The following CDC42BPA variants were observed in gnomAD, a reference collection of about 807,000 sequenced individuals.
CDC42BPA encodes CDC42 binding protein kinase alpha.
A neutral mutation model predicts 223.5 loss-of-function variants in CDC42BPA; 80 were observed. That is an observed-to-expected ratio of 0.36 (90% CI 0.30 to 0.43). The LOEUF is 0.43. Ranked by LOEUF, CDC42BPA falls within the 20% of genes least tolerant of loss-of-function variation. The pLI is 1.00. For missense variants in CDC42BPA, 1,743 were observed against 2,099.9 expected (o/e 0.83, Z 3.32); for synonymous variants, 694 against 718.6 (o/e 0.97, Z 0.55).
intron 1 of CDC42BPA, among the ~76,000 whole-genome samples, chr1:227,262,058 A>C (rs1363246593): frequency 6.6e-6 from 1 of 151,950 alleles, no homozygotes; most frequent in South Asian, 2.1e-4. Flanking sequence ...AAAAAAAATT[A>C]AACTAAATGA....
At chr1:227,070,038 A>G (rs1677948075) in intron 20 of CDC42BPA, among the ~76,000 whole-genome samples, 185 bp from the exon 21 acceptor site, 1 of 151,926 alleles carries the variant, frequency 6.6e-6, no homozygotes, top group South Asian at 2.1e-4. Flanking sequence ...ATATCACTTA[A>G]TAGTTCAATT....
At chr1:227,189,186 G>C (rs905784193) in intron 5 of CDC42BPA, among the ~76,000 whole-genome samples, 1 of 151,844 alleles carries the variant, frequency 6.6e-6, no homozygotes, top group African/African-American at 2.4e-5. Context: ...ACTTTCCTTA[G>C]GAAATGCAAG....
chr1:227,027,858 T>C (rs1306831091), intron 30 of CDC42BPA, among the ~76,000 whole-genome samples: 1 of 152,232 alleles, frequency 6.6e-6, no homozygotes, highest in African/African-American at 2.4e-5. Context: ...GAGTCAAGCC[T>C]ATAATCTCAG....
chr1:227,199,846 T>C (rs565008654), intron 3 of CDC42BPA, among the ~76,000 whole-genome samples, 194 bp from the exon 4 acceptor site: 3 of 152,112 alleles, frequency 2.0e-5, no homozygotes, highest in Admixed American at 6.5e-5. Context: ...TAAAAATATA[T>C]TTTATATTAA....
chr1:227,317,387 A>G lies in CDC42BPA; in HGVS notation c.-205T>C, dbSNP rs12128753. 4.3e-6 allele frequency: 2 copies of G among 465,808 alleles called. No individual in the cohort carries two copies. Among genetic ancestry groups the G allele is most frequent in the South Asian group, 6.1e-5 (1 of 16,344 alleles). 28.9% of individuals were successfully genotyped at this position (465,808 alleles called of 1,614,324 possible). On this transcript the variant is annotated 5_prime_UTR_variant, in exon 1 of 37. Coordinates refer to ENST00000366766, the MANE Select transcript of CDC42BPA (RefSeq NM_001394014.1). Reference sequence around the variant, plus strand: ...CGTCTTCAATTTCACCCATATACATATATTTTGAGGGTAAATTACCATAAA... The same window carrying G: ...CGTCTTCAATTTCACCCATATACATGTATTTTGAGGGTAAATTACCATAAA...
chr1:227,269,710 CAAAACAAAAG>C (rs1685651534), intron 1 of CDC42BPA, among the ~76,000 whole-genome samples: 1 of 151,880 alleles, frequency 6.6e-6, no homozygotes, highest in African/African-American at 2.4e-5. Flanking sequence ...ACTGGCAATT[CAAAACAAAAG>C]AAAACCATAT....
chr1:227,005,050 G>A lies in CDC42BPA; in HGVS notation c.4919C>T (p.Thr1640Ile). ...FSGSVSIPSI[T>I]KSRPEPGRSM... ...GCGGCCTGGCTCAGGGCGGGATTTG[G>A]TGATAGATGGAATACTGACTGAGCC... Residue 1640 changes from threonine to isoleucine, a missense_variant, in exon 35 of 37, where the codon ACC (threonine) becomes ATC (isoleucine). Physicochemically the swap from Thr to Ile is moderately conservative, Grantham distance 89 (BLOSUM62 -1). Transcript: ENST00000366766. 3 of 1,614,200 alleles carry A rather than the reference G, an allele frequency of 1.9e-6. No homozygotes were observed. Among genetic ancestry groups the A allele is most frequent in the Non-Finnish European group, 2.5e-6 (3 of 1,180,020 alleles).
intron 10 of CDC42BPA, among the ~76,000 whole-genome samples, chr1:227,131,988 G>C (rs902654254): frequency 6.6e-6 from 1 of 152,134 alleles, no homozygotes; most frequent in Admixed American, 6.5e-5. Context: ...CAGCACATGA[G>C]GAGACTGCTA....
chr1:227,220,154 C>T (rs75565651), intron 2 of CDC42BPA, among the ~76,000 whole-genome samples: 5,660 of 151,874 alleles, frequency 0.037, 118 homozygotes, highest in Non-Finnish European at 0.054. Flanking sequence ...TTAATTCTTC[C>T]AAGTATCAGG....
At chr1:227,007,969 T>G (rs752675742) in intron 34 of CDC42BPA, among the ~76,000 whole-genome samples, 23 of 152,288 alleles carry the variant, frequency 1.5e-4, no homozygotes, top group Admixed American at 7.2e-4. Flanking sequence ...TCCTCCACAC[T>G]CACCACCTCA....
intron 1 of CDC42BPA, among the ~76,000 whole-genome samples, chr1:227,277,951 A>C (rs1247621075): frequency 6.6e-6 from 1 of 152,140 alleles, no homozygotes; most frequent in African/African-American, 2.4e-5. Flanking sequence ...GGGTTTCACC[A>C]TATTAGCCAG....
In CDC42BPA at chr1:227,119,950, G is replaced by A. The variant is rs1254109198; in HGVS notation, c.1514-13C>T. The A allele has an allele frequency of 7.0e-6, 11 of 1,564,482 alleles. No homozygotes were observed. Among genetic ancestry groups the A allele is most frequent in the Non-Finnish European group, 7.8e-6 (9 of 1,160,774 alleles). On this transcript the variant is annotated splice_polypyrimidine_tract_variant and intron_variant, in intron 11 of 36. Transcript: ENST00000366766. ...AAATGACTTGATTCTAAAAACAAAAGACAATGTTTCTTTTACTATTTGTAT... is the reference window on the plus strand; with the variant it reads ...AAATGACTTGATTCTAAAAACAAAAAACAATGTTTCTTTTACTATTTGTAT...
chr1:227,267,007 T>C (rs1173397907), intron 1 of CDC42BPA, among the ~76,000 whole-genome samples: 1 of 152,070 alleles, frequency 6.6e-6, no homozygotes, highest in Non-Finnish European at 1.5e-5. Flanking sequence ...AAAACATTGG[T>C]TTAAAGTTGT....
chr1:227,107,385 C>G (rs999892327), intron 14 of CDC42BPA, among the ~76,000 whole-genome samples: 5 of 151,768 alleles, frequency 3.3e-5, no homozygotes, highest in Non-Finnish European at 7.4e-5. Flanking sequence ...GATCTTGCAG[C>G]CTGGAACTTG....
intron 5 of CDC42BPA, among the ~76,000 whole-genome samples, chr1:227,164,256 C>T (rs958325427): frequency 1.3e-5 from 2 of 151,916 alleles, no homozygotes; most frequent in African/African-American, 4.8e-5. Context: ...TTTTTAATTG[C>T]CATTACTCTT....
At chr1:227,232,523 G>A (rs1678182509) in intron 2 of CDC42BPA, among the ~76,000 whole-genome samples, 1 of 152,154 alleles carries the variant, frequency 6.6e-6, no homozygotes, top group South Asian at 2.1e-4. Flanking sequence ...CTTCTGCTCT[G>A]GTTTCTCCCC....
intron 32 of CDC42BPA, among the ~76,000 whole-genome samples, chr1:227,022,102 G>C (rs533042864): frequency 6.6e-6 from 1 of 152,058 alleles, no homozygotes; most frequent in South Asian, 2.1e-4. Flanking sequence ...TTTTCTTGAA[G>C]CCAGTATTTT....
At chr1:227,003,123 T>C (rs551037563) in intron 35 of CDC42BPA, among the ~76,000 whole-genome samples, 1 of 152,290 alleles carries the variant, frequency 6.6e-6, no homozygotes, top group East Asian at 1.9e-4. Flanking sequence ...CAGTATTTGC[T>C]GAATGAAGAG....
chr1:227,172,467 C>T (rs1240339145), intron 5 of CDC42BPA, among the ~76,000 whole-genome samples: 1 of 152,098 alleles, frequency 6.6e-6, no homozygotes, highest in Non-Finnish European at 1.5e-5. Context: ...AAACAACCCA[C>T]ATACCACATT....
Sources: gnomAD v4.1 joint callset for allele counts (sites outside exome capture counted in the v4.1 genomes callset) on GRCh38, gnomAD v4.1.1 for gene constraint, MANE v1.5 for transcripts, NCBI Gene and HGNC (gene_info 2026-07-23, HGNC 2026-07-21) for gene names.